The following SHISA6 variants were observed in gnomAD, a reference collection of about 807,000 sequenced individuals.
The protein encoded by SHISA6 is shisa family member 6, also known as protein shisa-6.
A neutral mutation model predicts 47.9 loss-of-function variants in SHISA6; 22 were observed. The observed-to-expected ratio is 0.46, with a 90% CI of 0.33 to 0.66. The LOEUF (loss-of-function observed/expected upper bound fraction) is 0.66. SHISA6 is among the 30% of genes least tolerant of loss of function. The pLI, the probability that SHISA6 is intolerant of heterozygous loss-of-function variation, is 0.02. For synonymous variants in SHISA6, 388 were observed against 337.8 expected, an observed-to-expected ratio of 1.15 and a Z score of -1.63; for missense variants, 680 against 764.6, an observed-to-expected ratio of 0.89 and a Z score of 1.30.
Position 11,396,911 on chromosome 17 carries a change from T to A in SHISA6, c.895+17402T>A, listed in dbSNP as rs752128174. Among the ~76,000 whole-genome samples the A allele has an allele frequency of 1.8e-3, 280 of 152,178 alleles. 1 individual carries two copies. Among genetic ancestry groups the A allele is most frequent in the Non-Finnish European group, 3.1e-3 (209 of 67,992 alleles). On this transcript the variant is annotated intron_variant, in intron 3 of 5. Transcript: ENST00000441885. ...TATCTCAGAACTTAAAGTAAAATTTTAAAAAAAGAATTAGAAATTCCCCTC... is the reference window on the plus strand; with the variant it reads ...TATCTCAGAACTTAAAGTAAAATTTAAAAAAAAGAATTAGAAATTCCCCTC...
intron 3 of SHISA6, among the ~76,000 whole-genome samples, chr17:11,470,366 G>T (rs1915906885): frequency 6.6e-6 from 1 of 152,214 alleles, no homozygotes; most frequent in Admixed American, 6.5e-5. Context: ...CACAGTAGAA[G>T]GAGGTCAGGA....
rs375997149 is a variant in SHISA6, at chr17:11,325,371, CT to C, written c.800-54042del. 6.6e-5 allele frequency among the ~76,000 whole-genome samples: 10 copies of C among 152,320 alleles called. No individual in the cohort carries two copies. In the South Asian group the frequency reaches 1.0e-3, roughly 16 times the overall value. ...TATTTCCTAAGCAAACTAGGTTACCCTCCCCACTGCTGCGGCTACCCGAGGG... is the reference window on the plus strand; with the variant it reads ...TATTTCCTAAGCAAACTAGGTTACCCCCCCACTGCTGCGGCTACCCGAGGG... On this transcript the variant is annotated intron_variant, in intron 2 of 5. Transcript: ENST00000441885.
intron 1 of SHISA6, among the ~76,000 whole-genome samples, chr17:11,243,684 C>T (rs535287176): frequency 6.6e-6 from 1 of 152,328 alleles, no homozygotes; most frequent in South Asian, 2.1e-4. Flanking sequence ...TGCCCGTGGG[C>T]AGGTGCTGTC....
intron 2 of SHISA6, among the ~76,000 whole-genome samples, chr17:11,282,357 G>A (rs1164377567): frequency 6.6e-6 from 1 of 151,958 alleles, no homozygotes; most frequent in African/African-American, 2.4e-5. Flanking sequence ...GGTAGGGAAG[G>A]GGCAAGAGAG....
intron 1 of SHISA6, among the ~76,000 whole-genome samples, chr17:11,256,898 C>T (rs1353924260): frequency 1.3e-5 from 2 of 152,180 alleles, no homozygotes; most frequent in East Asian, 1.9e-4. Flanking sequence ...CTAGTGACAG[C>T]GCCAGGACAG....
chr17:11,271,248 C>A (rs2142152815), intron 2 of SHISA6, among the ~76,000 whole-genome samples: 1 of 152,036 alleles, frequency 6.6e-6, no homozygotes, highest in South Asian at 2.1e-4. Context: ...CCTGGGCAGG[C>A]CTTGGTTCTC....
At chr17:11,505,956 G>A (rs1040511755) in intron 3 of SHISA6, among the ~76,000 whole-genome samples, 1 of 152,144 alleles carries the variant, frequency 6.6e-6, no homozygotes, top group Non-Finnish European at 1.5e-5. Flanking sequence ...GAAGAGGGTG[G>A]GGGAGTATTC....
chr17:11,433,647 C>T (rs906733964), intron 3 of SHISA6, among the ~76,000 whole-genome samples: 1 of 152,080 alleles, frequency 6.6e-6, no homozygotes, highest in African/African-American at 2.4e-5. Flanking sequence ...GGTATATACC[C>T]AGCTGTTATA....
At chr17:11,469,203 A>G (rs1252084868) in intron 3 of SHISA6, among the ~76,000 whole-genome samples, 2 of 151,986 alleles carry the variant, frequency 1.3e-5, no homozygotes, top group South Asian at 4.2e-4. Context: ...GGCAAAAGAG[A>G]TATAATATTG....
chr17:11,269,035 TGTTTGTCTGTTTTG>T (rs1908538637), intron 2 of SHISA6, among the ~76,000 whole-genome samples: 1 of 150,132 alleles, frequency 6.7e-6, no homozygotes, highest in African/African-American at 2.5e-5. Flanking sequence ...CAGTTTTTTT[TGTTTGTCTGTTTTG>T]TTTTTTTTTT....
At position 11,544,052 on chromosome 17, in the gene SHISA6, C is replaced by T. The variant is rs563076686; in HGVS notation, c.896-7844C>T. Among the ~76,000 whole-genome samples the T allele has an allele frequency of 8.7e-5, 13 of 149,928 alleles. No individual in the cohort carries two copies. The South Asian group carries it at 2.7e-3, about 31-fold the overall frequency. On this transcript the variant is annotated intron_variant, in intron 3 of 5. Transcript: ENST00000441885. Reference sequence around the variant, plus strand: ...GAACTTCAACATTTAAGTCTCCTACCTCATATAAAAATTAACTCAAAATAG... The same window carrying T: ...GAACTTCAACATTTAAGTCTCCTACTTCATATAAAAATTAACTCAAAATAG...
intron 3 of SHISA6, among the ~76,000 whole-genome samples, chr17:11,399,635 T>A (rs1002565096): frequency 6.6e-6 from 1 of 152,156 alleles, no homozygotes; most frequent in Non-Finnish European, 1.5e-5. Flanking sequence ...TTACCCATGC[T>A]GGTCTCGAGC....
chr17:11,317,515 T>C (rs1910563984), intron 2 of SHISA6, among the ~76,000 whole-genome samples: 1 of 152,004 alleles, frequency 6.6e-6, no homozygotes, highest in Non-Finnish European at 1.5e-5. Flanking sequence ...AATACACATA[T>C]GTATATTTGG....
intron 3 of SHISA6, among the ~76,000 whole-genome samples, chr17:11,501,521 A>G (rs537787011): frequency 6.6e-6 from 1 of 152,316 alleles, no homozygotes; most frequent in Non-Finnish European, 1.5e-5. Context: ...AGGTTTTTTT[A>G]GTACTAGAAG....
intron 2 of SHISA6, among the ~76,000 whole-genome samples, chr17:11,344,760 A>G (rs952767230): frequency 1.3e-5 from 2 of 152,220 alleles, no homozygotes; most frequent in African/African-American, 4.8e-5. Flanking sequence ...TGTCCACTCA[A>G]ACATTTAATA....
intron 2 of SHISA6, among the ~76,000 whole-genome samples, chr17:11,280,305 C>G (rs1287446838): frequency 6.6e-6 from 1 of 152,100 alleles, no homozygotes; most frequent in Non-Finnish European, 1.5e-5. Flanking sequence ...TGAGAACTTA[C>G]CATCTGAGTA....
chr17:11,375,560 C>G (rs568689142), intron 2 of SHISA6, among the ~76,000 whole-genome samples: 1 of 152,100 alleles, frequency 6.6e-6, no homozygotes, highest in South Asian at 2.1e-4. Flanking sequence ...TTTTTCCCTC[C>G]TTTCCTTACA....
intron 2 of SHISA6, among the ~76,000 whole-genome samples, chr17:11,348,245 A>G (rs1051542724): frequency 3.9e-5 from 6 of 152,162 alleles, no homozygotes; most frequent in African/African-American, 1.4e-4. Context: ...TTATGGGACC[A>G]AAAAGAGTTG....
intron 2 of SHISA6, among the ~76,000 whole-genome samples, chr17:11,269,239 A>G (rs1007109071): frequency 6.6e-6 from 1 of 152,044 alleles, no homozygotes; most frequent in African/African-American, 2.4e-5. Context: ...ACGAAGTTTC[A>G]CCATGTTGGC....
Sources: gnomAD v4.1 joint callset for allele counts (sites outside exome capture counted in the v4.1 genomes callset) on GRCh38, gnomAD v4.1.1 for gene constraint, MANE v1.5 for transcripts, NCBI Gene and HGNC (gene_info 2026-07-23, HGNC 2026-07-21) for gene names.